The following MLLT1 variants were observed in gnomAD, a reference collection of about 807,000 sequenced individuals.
MLLT1 encodes the protein protein ENL.
MLLT1 carries 11 observed loss-of-function variants against 55.1 expected under a neutral mutation model. That is an observed-to-expected ratio of 0.20 (90% CI 0.13 to 0.33). MLLT1 has a LOEUF of 0.33. Ranked by LOEUF, MLLT1 falls within the 10% of genes least tolerant of loss-of-function variation. The pLI, the probability that MLLT1 is intolerant of heterozygous loss-of-function variation, is 1.00. For missense variants in MLLT1, 536 were observed against 760.6 expected (o/e 0.70, Z 3.47); for synonymous variants, 323 against 320.1 (o/e 1.01, Z -0.10).
intron 3 of MLLT1, among the ~76,000 whole-genome samples, chr19:6,254,614 G>T (rs2091243774): frequency 6.6e-6 from 1 of 152,204 alleles, no homozygotes; most frequent in South Asian, 2.1e-4. Context: ...TGGAGAACTG[G>T]AGAACTGTAA....
intron 1 of MLLT1, among the ~76,000 whole-genome samples, chr19:6,278,359 T>C (rs553076441): frequency 6.6e-6 from 1 of 152,086 alleles, no homozygotes; most frequent in Non-Finnish European, 1.5e-5. Context: ...GGTGCCAGGG[T>C]GCAGGAAGGC....
intron 3 of MLLT1, chr19:6,259,802 A>AAAAAAAAAAC (rs2091287501): frequency 6.9e-6 from 1 of 145,680 alleles, no homozygotes; most frequent in Admixed American, 6.7e-5. Flanking sequence ...CATGACTTAA[A>AAAAAAAAAAC]AAAAAAAAAA....
intron 3 of MLLT1, among the ~76,000 whole-genome samples, chr19:6,232,317 G>A (rs2091019338): frequency 6.6e-6 from 1 of 152,168 alleles, no homozygotes. Flanking sequence ...CTTGACAAGG[G>A]TGACGACACC....
chr19:6,276,319 GGAA>G (rs2091428002), intron 1 of MLLT1, among the ~76,000 whole-genome samples: 2 of 152,266 alleles, frequency 1.3e-5, no homozygotes, highest in Middle Eastern at 3.4e-3. Flanking sequence ...AGTTGCAGGA[GGAA>G]GAGTCTACCC....
chr19:6,267,696 C>A (rs185989221), intron 2 of MLLT1, among the ~76,000 whole-genome samples: 7 of 152,158 alleles, frequency 4.6e-5, no homozygotes, highest in African/African-American at 1.2e-4. Flanking sequence ...ATGGTGACAG[C>A]GTCAAACATG....
intron 6 of MLLT1, among the ~76,000 whole-genome samples, chr19:6,221,537 G>T (rs2090896523): frequency 6.6e-6 from 1 of 152,100 alleles, no homozygotes; most frequent in African/African-American, 2.4e-5. Context: ...GGGGCCAGAT[G>T]TGAGTATCCC....
At chr19:6,217,501 G>A (rs2090856609) in intron 7 of MLLT1, among the ~76,000 whole-genome samples, 2 of 152,198 alleles carry the variant, frequency 1.3e-5, no homozygotes, top group Admixed American at 6.5e-5. Context: ...CCTACTCAGG[G>A]TGGCCTGCCT....
rs1418646386 is a variant in MLLT1, at chr19:6,270,210, A to G, written c.193+369T>C. ...GAGCTCCGGCATTCTTTCTGCCCCA[A>G]ATATTGGGAATTCTTCACATGGCAC... is the stretch of plus-strand genomic sequence containing the variant. On this transcript the variant is annotated intron_variant, in intron 2 of 11. Transcript: ENST00000252674. This position sits in a 1 kb window ranked among gnomAD's most constrained non-coding sequence, Gnocchi z 7.1. Among the ~76,000 whole-genome samples the G allele has an allele frequency of 7.0e-6, 1 of 142,122 alleles. No homozygotes were observed. Among genetic ancestry groups the G allele is most frequent in the East Asian group, 1.9e-4 (1 of 5,190 alleles). The allele number at this position is 142,122 out of a possible 152,430, so 93.2% of individuals were successfully genotyped here.
chr19:6,220,660 C>T (rs1224730300), intron 6 of MLLT1, among the ~76,000 whole-genome samples: 1 of 152,242 alleles, frequency 6.6e-6, no homozygotes, highest in Non-Finnish European at 1.5e-5. Flanking sequence ...GCGTGCTGCA[C>T]ACCCAGCCCC....
Position 6,229,882 on chromosome 19 carries a change from G to A in MLLT1, c.420+688C>T, listed in dbSNP as rs555322077. 2.6e-5 allele frequency among the ~76,000 whole-genome samples: 4 copies of A among 151,500 alleles called. No individual in the cohort carries two copies. In the East Asian group the frequency reaches 5.9e-4, roughly 22 times the overall value. On this transcript the variant is annotated intron_variant, in intron 4 of 11. Coordinates refer to ENST00000252674, the MANE Select transcript of MLLT1 (RefSeq NM_005934.4). This position sits in a 1 kb window ranked among gnomAD's most constrained non-coding sequence, Gnocchi z 5.2. The stretch of plus-strand genomic sequence containing the variant: ...ACACACCGCACACGACACACAACAC[G>A]CCACCCCAGCCCGCTCCATCACAGG...
intron 3 of MLLT1, among the ~76,000 whole-genome samples, chr19:6,253,030 G>A (rs542400603): frequency 5.9e-5 from 9 of 152,086 alleles, no homozygotes; most frequent in Non-Finnish European, 1.3e-4. Flanking sequence ...TTGGGAGACC[G>A]AAGTGGGCGG....
chr19:6,268,854 A>T (rs1010325162), intron 2 of MLLT1, among the ~76,000 whole-genome samples: 1 of 152,178 alleles, frequency 6.6e-6, no homozygotes, highest in Admixed American at 6.5e-5. Context: ...AAAACAAAAA[A>T]CTAAAAACTA....
At position 6,273,279 on chromosome 19, in the gene MLLT1, A is replaced by G. The variant is rs2091408837; in HGVS notation, c.13-2520T>C. On this transcript the variant is annotated intron_variant, in intron 1 of 11. Transcript: ENST00000252674. This position sits in a 1 kb window ranked among gnomAD's most constrained non-coding sequence, Gnocchi z 4.3. ...GCAACCAGAAGGAGTGGCTGGAAAAAGGGGTGAACACAGCCCAAAGCCACA... is the reference window on the plus strand; with the variant it reads ...GCAACCAGAAGGAGTGGCTGGAAAAGGGGGTGAACACAGCCCAAAGCCACA... Among the ~76,000 whole-genome samples, 1 of 152,124 alleles carries G rather than the reference A, an allele frequency of 6.6e-6. No homozygotes were observed. Among genetic ancestry groups the G allele is most frequent in the South Asian group, 2.1e-4 (1 of 4,812 alleles).
Position 6,273,890 on chromosome 19 carries a change from A to G in MLLT1, c.13-3131T>C, listed in dbSNP as rs1221800514. On this transcript the variant is annotated intron_variant, in intron 1 of 11. Coordinates refer to ENST00000252674, the MANE Select transcript of MLLT1 (RefSeq NM_005934.4). This position sits in a 1 kb window ranked among gnomAD's most constrained non-coding sequence, Gnocchi z 4.3. ...CCTACCCAGGGCACGCAGGCGGCAG[A>G]GCAGTTATTGTGAAAGAGTGAAAGA... 6.6e-6 allele frequency among the ~76,000 whole-genome samples: 1 copy of G among 152,198 alleles called. No homozygotes were observed. The highest frequency in any genetic ancestry group is 1.5e-5 in the Non-Finnish European group (1 of 68,038).
In MLLT1 at chr19:6,247,264, C is replaced by T. The variant is rs143351422; in HGVS notation, c.276+14964G>A. Reference sequence around the variant, plus strand: ...TGACAACTAAGCAGCAGTGAGCACACTTAGCTCCCAGATCTTGGCTTTTAA... The same window carrying T: ...TGACAACTAAGCAGCAGTGAGCACATTTAGCTCCCAGATCTTGGCTTTTAA... On this transcript the variant is annotated intron_variant, in intron 3 of 11. Coordinates refer to ENST00000252674, the MANE Select transcript of MLLT1 (RefSeq NM_005934.4). Among the ~76,000 whole-genome samples, 149 of 152,304 alleles carry T rather than the reference C, an allele frequency of 9.8e-4. 2 individuals are homozygous for T. The highest frequency in any genetic ancestry group is 3.2e-3 in the African/African-American group (132 of 41,556).
chr19:6,258,934 T>C (rs572807232), intron 3 of MLLT1, among the ~76,000 whole-genome samples: 166 of 152,286 alleles, frequency 1.1e-3, no homozygotes, highest in African/African-American at 3.8e-3. Flanking sequence ...ATGCCTACTA[T>C]GTGCCACGCG....
intron 8 of MLLT1, among the ~76,000 whole-genome samples, chr19:6,216,095 C>A (rs2090840673): frequency 6.6e-6 from 1 of 152,134 alleles, no homozygotes. Flanking sequence ...CCAGCCTGGG[C>A]TCCCTCCTGC....
chr19:6,212,741 G>A lies in MLLT1; in HGVS notation c.*301C>T, dbSNP rs2090791578. ...GTGGGGGCTGGTCCCAAGGCTGGGC[G>A]AGGGGCCCCCGGCCCTGTCTCTGCC... is the stretch of plus-strand genomic sequence containing the variant. On this transcript the variant is annotated 3_prime_UTR_variant, in exon 12 of 12. Transcript: ENST00000252674. 1.6e-5 allele frequency: 18 copies of A among 1,137,684 alleles called. No individual in the cohort carries two copies. The highest frequency in any genetic ancestry group is 1.9e-5 in the Non-Finnish European group (17 of 908,324). The allele number at this position is 1,137,684 out of a possible 1,614,324, so 70.5% of individuals were successfully genotyped here.
chr19:6,261,413 G>A (rs957997861), intron 3 of MLLT1, among the ~76,000 whole-genome samples: 2 of 152,126 alleles, frequency 1.3e-5, no homozygotes, highest in Admixed American at 1.3e-4. Flanking sequence ...CACGCAGCCC[G>A]GCACCGCCAG....
Sources: gnomAD v4.1 joint callset for allele counts (sites outside exome capture counted in the v4.1 genomes callset) on GRCh38, gnomAD v4.1.1 for gene constraint, Gnocchi (gnomAD v3.1) non-coding constraint, MANE v1.5 for transcripts, NCBI Gene and HGNC (gene_info 2026-07-23, HGNC 2026-07-21) for gene names.